ARMC2: variants seen among roughly 807,000 people sequenced by gnomAD.
ARMC2 encodes armadillo repeat containing 2.
ARMC2 carries 67 observed loss-of-function variants against 90.3 expected under a neutral mutation model. That is an observed-to-expected ratio of 0.74 (90% confidence interval 0.61 to 0.91). The LOEUF is 0.91. Among genes scored for constraint, ARMC2 ranks in the 40% least tolerant of loss-of-function variants. ARMC2 has a pLI of 0.00. For synonymous variants in ARMC2, 393 were observed against 393.0 expected (o/e 1.00, Z 0.00); for missense variants, 920 against 1,030.9 (o/e 0.89, Z 1.47).
the ARMC2 span, among the ~76,000 whole-genome samples, chr6:109,026,332 G>A: frequency 6.6e-6 from 1 of 152,122 alleles, no homozygotes; most frequent in Non-Finnish European, 1.5e-5. Flanking sequence ...CCAAAGAACA[G>A]TCAACAAAGA....
chr6:108,987,439 T>G, the ARMC2 span: 1 of 583,398 alleles, frequency 1.7e-6, no homozygotes, highest in Non-Finnish European at 3.0e-6. Flanking sequence ...GCACAATGGA[T>G]TTCTGAATTA....
chr6:108,996,954 G>A, the ARMC2 span, among the ~76,000 whole-genome samples: 1 of 147,078 alleles, frequency 6.8e-6, no homozygotes, highest in African/African-American at 2.5e-5. Flanking sequence ...GCTACGTACT[G>A]TATGATTCCA....
the ARMC2 span, chr6:108,998,582 G>C: frequency 6.2e-7 from 1 of 1,613,782 alleles, no homozygotes; most frequent in African/African-American, 1.3e-5. Flanking sequence ...TGTCACAGAT[G>C]CAGTAGTTGC....
chr6:108,975,834 C>T (rs1391738578), downstream of ARMC2, among the ~76,000 whole-genome samples: 3 of 152,126 alleles, frequency 2.0e-5, no homozygotes, highest in African/African-American at 7.2e-5. Flanking sequence ...CCTTTGCCCA[C>T]TTTTTGATGG....
chr6:108,994,184 T>C, the ARMC2 span, among the ~76,000 whole-genome samples: 1 of 145,916 alleles, frequency 6.9e-6, no homozygotes, highest in Non-Finnish European at 1.5e-5. Context: ...AGGGCACTCA[T>C]ATGTTAAGTG....
At chr6:108,910,418 C>T (rs1250642472) in intron 8 of ARMC2, among the ~76,000 whole-genome samples, 1 of 152,148 alleles carries the variant, frequency 6.6e-6, no homozygotes, top group Non-Finnish European at 1.5e-5. Flanking sequence ...ATGGCAGCAT[C>T]ACTGCACTCC....
chr6:108,854,799 T>C (rs775455296), intron 2 of ARMC2, among the ~76,000 whole-genome samples: 2 of 152,232 alleles, frequency 1.3e-5, no homozygotes, highest in Non-Finnish European at 2.9e-5. Flanking sequence ...GTACATTTTA[T>C]GTGTTTGGAC....
chr6:108,944,015 G>A (rs1776636470), intron 12 of ARMC2, among the ~76,000 whole-genome samples: 1 of 152,220 alleles, frequency 6.6e-6, no homozygotes, highest in African/African-American at 2.4e-5. Flanking sequence ...GACTTCTCAA[G>A]TGACTCAAAT....
chr6:108,894,999 C>T lies in ARMC2; in HGVS notation c.748+456C>T, dbSNP rs530766412. 5.9e-3 allele frequency among the ~76,000 whole-genome samples: 886 copies of T among 151,048 alleles called. 4 individuals carry two copies. Among genetic ancestry groups the T allele is most frequent in the Non-Finnish European group, 9.8e-3 (665 of 67,656 alleles). ...GCCAGGATGGTCTCAATCTCCTGAC[C>T]TCGTGATCCGCCTGCCTCAGCCTTC... On this transcript the variant is annotated intron_variant, in intron 6 of 17. Transcript: ENST00000392644.
chr6:109,012,095 A>G, the ARMC2 span, among the ~76,000 whole-genome samples: 2 of 152,242 alleles, frequency 1.3e-5, no homozygotes, highest in Admixed American at 6.5e-5. Context: ...ACATACAGGC[A>G]TGCGATAAAC....
chr6:108,897,913 T>C lies in ARMC2; in HGVS notation c.749-1781T>C, dbSNP rs78281751. On this transcript the variant is annotated intron_variant, in intron 6 of 17. Transcript: ENST00000392644. ...ATATTAAAAAATATTAATATGGATATTTACTAAGGTATTACACACATTCAA... is the reference window on the plus strand; with the variant it reads ...ATATTAAAAAATATTAATATGGATACTTACTAAGGTATTACACACATTCAA... Among the ~76,000 whole-genome samples the C allele has an allele frequency of 4.2e-3, 641 of 152,278 alleles. 3 individuals are homozygous for C. The highest frequency in any genetic ancestry group is 0.014 in the African/African-American group (600 of 41,552).
In ARMC2 at chr6:108,860,058, T is replaced by C. The variant is rs78091252; in HGVS notation, c.291+1787T>C. Among the ~76,000 whole-genome samples the C allele has an allele frequency of 3.7e-4, 56 of 152,224 alleles. No individual in the cohort carries two copies. The East Asian group carries it at 9.5e-3, about 26-fold the overall frequency. ...TTTCTGGACTGACACTTCAGTTTTC[T>C]TATTTTCTCTCTTTTCTGTTTTACA... On this transcript the variant is annotated intron_variant, in intron 3 of 17. Transcript: ENST00000392644.
intron 3 of ARMC2, among the ~76,000 whole-genome samples, chr6:108,860,315 T>G (rs1405264757): frequency 6.6e-6 from 1 of 152,134 alleles, no homozygotes; most frequent in African/African-American, 2.4e-5. Context: ...TTGTCTCTGC[T>G]TTTTACACTA....
At chr6:109,022,511 C>G in the ARMC2 span, among the ~76,000 whole-genome samples, 1 of 148,256 alleles carries the variant, frequency 6.7e-6, no homozygotes, top group Non-Finnish European at 1.5e-5. Flanking sequence ...CAAGCTCCAC[C>G]TCCCGGGTTC....
At chr6:108,998,312 T>C in the ARMC2 span, among the ~76,000 whole-genome samples, 1 of 152,142 alleles carries the variant, frequency 6.6e-6, no homozygotes, top group Non-Finnish European at 1.5e-5. Flanking sequence ...TACATCACTT[T>C]TGTAAAATGT....
In ARMC2 at chr6:108,940,356, C is replaced by T. The variant is rs1417602415; in HGVS notation, c.1596+3357C>T. ...GAGGAGAACAGCTCTCTCTCCTGCGCGTGAGAGAGGCACCCAAGTGGAACT... is the reference window on the plus strand; with the variant it reads ...GAGGAGAACAGCTCTCTCTCCTGCGTGTGAGAGAGGCACCCAAGTGGAACT... On this transcript the variant is annotated intron_variant, in intron 12 of 17. Transcript: ENST00000392644. Among the ~76,000 whole-genome samples the T allele has an allele frequency of 4.6e-5, 7 of 152,124 alleles. No individual in the cohort carries two copies. The South Asian group carries it at 6.2e-4, about 14-fold the overall frequency.
chr6:108,891,001 C>T lies in ARMC2; in HGVS notation c.672-3466C>T, dbSNP rs956080202. On this transcript the variant is annotated intron_variant, in intron 5 of 17. Coordinates refer to ENST00000392644, the MANE Select transcript of ARMC2 (RefSeq NM_032131.6). ...ACTCCCACTTATGAGTGAGAACATG[C>T]AGTGTTTGGTTTTCTGTTCTTGTGT... Among the ~76,000 whole-genome samples the T allele has an allele frequency of 1.5e-4, 22 of 147,588 alleles. 1 individual carries two copies. Among genetic ancestry groups the T allele is most frequent in the African/African-American group, 5.2e-4 (21 of 40,038 alleles).
At chr6:108,911,297 G>T (rs921297350) in intron 9 of ARMC2, among the ~76,000 whole-genome samples, 4 of 152,130 alleles carry the variant, frequency 2.6e-5, no homozygotes, top group African/African-American at 9.7e-5. Flanking sequence ...ATAGAAAAAT[G>T]CATTTAATAG....
At chr6:108,922,920 G>A (rs1290910030) in intron 10 of ARMC2, 1 of 152,164 alleles carries the variant, frequency 6.6e-6, no homozygotes, top group Non-Finnish European at 1.5e-5. Flanking sequence ...AAAACCTTAG[G>A]TCCCCTTTTG....
Sources: allele counts gnomAD v4.1 joint callset (sites outside exome capture counted in the v4.1 genomes callset), GRCh38; gene constraint gnomAD v4.1.1; transcripts MANE v1.5; gene names NCBI Gene and HGNC (gene_info 2026-07-23, HGNC 2026-07-21).